The following TMEM200A variants were observed in gnomAD, a reference collection of about 807,000 sequenced individuals.
TMEM200A encodes two transmembrane C.
A neutral mutation model predicts 24.3 loss-of-function variants in TMEM200A; 12 were observed. The ratio of observed to expected loss-of-function variants is 0.49; its 90% confidence interval spans 0.32 to 0.80. The LOEUF is 0.80. TMEM200A is among the 30% of genes least tolerant of loss of function. The pLI, the probability that TMEM200A is intolerant of heterozygous loss-of-function variation, is 0.04. For synonymous variants in TMEM200A, 224 were observed against 224.4 expected (o/e 1.00, Z 0.02); for missense variants, 545 against 614.4 (o/e 0.89, Z 1.19).
chr6:130,431,453 G>A (rs1475558529), intron 2 of TMEM200A, among the ~76,000 whole-genome samples: 6 of 152,178 alleles, frequency 3.9e-5, no homozygotes, highest in Non-Finnish European at 7.3e-5. Flanking sequence ...CTTTACACCA[G>A]TTTCAAGTCA....
At chr6:130,431,936 C>T (rs1365074447) in intron 2 of TMEM200A, among the ~76,000 whole-genome samples, 4 of 152,114 alleles carry the variant, frequency 2.6e-5, no homozygotes, top group Non-Finnish European at 4.4e-5. Context: ...TATCATTTTG[C>T]AAATTTTCTA....
intron 2 of TMEM200A, among the ~76,000 whole-genome samples, chr6:130,386,859 G>A (rs755597875): frequency 4.6e-5 from 7 of 151,978 alleles, no homozygotes; most frequent in Admixed American, 1.3e-4. Context: ...CTTTTTCTTC[G>A]CCAGCATCAT....
chr6:130,427,594 G>T (rs1054961562), intron 2 of TMEM200A, among the ~76,000 whole-genome samples: 1 of 152,078 alleles, frequency 6.6e-6, no homozygotes, highest in Non-Finnish European at 1.5e-5. Context: ...AAAGGGAATG[G>T]ACATTTCGAT....
chr6:130,376,671 T>C (rs912868491), intron 1 of TMEM200A, among the ~76,000 whole-genome samples: 1 of 151,164 alleles, frequency 6.6e-6, no homozygotes, highest in Non-Finnish European at 1.5e-5. Flanking sequence ...ACTCTAAGTA[T>C]TAACAGTAAT....
intron 2 of TMEM200A, among the ~76,000 whole-genome samples, chr6:130,402,923 A>G (rs1326645622): frequency 1.3e-5 from 2 of 152,098 alleles, no homozygotes; most frequent in African/African-American, 4.8e-5. Context: ...ACATGTATGC[A>G]AGAGTCCATC....
intron 2 of TMEM200A, among the ~76,000 whole-genome samples, chr6:130,395,916 C>A (rs1778941947): frequency 6.6e-6 from 1 of 152,218 alleles, no homozygotes; most frequent in African/African-American, 2.4e-5. Flanking sequence ...TCCAGTTGGT[C>A]ATAGTGCCTT....
intron 2 of TMEM200A, among the ~76,000 whole-genome samples, chr6:130,415,888 T>C (rs1042921813): frequency 1.3e-5 from 2 of 152,244 alleles, no homozygotes; most frequent in Non-Finnish European, 2.9e-5. Context: ...AATAATTTGG[T>C]AACAATGATA....
At chr6:130,386,677 T>C (rs1778718749) in intron 2 of TMEM200A, among the ~76,000 whole-genome samples, 1 of 152,172 alleles carries the variant, frequency 6.6e-6, no homozygotes, top group South Asian at 2.1e-4. Flanking sequence ...TCTAGGTGAT[T>C]AGCATTAAGA....
At chr6:130,379,097 T>A (rs1778536258) in intron 1 of TMEM200A, among the ~76,000 whole-genome samples, 1 of 152,176 alleles carries the variant, frequency 6.6e-6, no homozygotes, top group African/African-American at 2.4e-5. Flanking sequence ...CGTGGCCTAA[T>A]CACTTCTCAG....
intron 2 of TMEM200A, among the ~76,000 whole-genome samples, chr6:130,413,513 T>TC (rs1355174720): frequency 3.3e-5 from 5 of 151,742 alleles, no homozygotes; most frequent in East Asian, 1.9e-4. Context: ...GGCACAGCCA[T>TC]CCCCCCCACT....
chr6:130,405,615 T>C (rs1165473487), intron 2 of TMEM200A, among the ~76,000 whole-genome samples: 7 of 152,226 alleles, frequency 4.6e-5, no homozygotes, highest in Non-Finnish European at 1.0e-4. Flanking sequence ...CTCACTTTCC[T>C]CTGGGAACTG....
rs925304702 is a variant in TMEM200A, at chr6:130,398,498, T to G, written c.-17+13262T>G. Among the ~76,000 whole-genome samples, 7 of 151,930 alleles carry G rather than the reference T, an allele frequency of 4.6e-5. No individual in the cohort carries two copies. The East Asian group carries it at 1.3e-3, about 29-fold the overall frequency. On this transcript the variant is annotated intron_variant, in intron 2 of 2. Transcript: ENST00000296978. The stretch of plus-strand genomic sequence containing the variant: ...CTTTGGGTATACACTCAGTAGAATA[T>G]ACTCAGTATACTCAGATTGCTGGGT...
chr6:130,391,142 G>C (rs1778822830), intron 2 of TMEM200A, among the ~76,000 whole-genome samples: 1 of 151,806 alleles, frequency 6.6e-6, no homozygotes, highest in Admixed American at 6.5e-5. Flanking sequence ...GCCCCTAGAG[G>C]GTAGTGTGAT....
At chr6:130,377,101 A>G (rs1273464437) in intron 1 of TMEM200A, among the ~76,000 whole-genome samples, 2 of 152,220 alleles carry the variant, frequency 1.3e-5, no homozygotes, top group Non-Finnish European at 2.9e-5. Flanking sequence ...GAGCATAACA[A>G]GCTTTTCTCA....
chr6:130,391,565 C>T (rs1778832357), intron 2 of TMEM200A, among the ~76,000 whole-genome samples: 1 of 152,110 alleles, frequency 6.6e-6, no homozygotes, highest in Non-Finnish European at 1.5e-5. Context: ...AACAAATAAC[C>T]GGAATATCCC....
chr6:130,375,138 C>T (rs1453527283), intron 1 of TMEM200A, among the ~76,000 whole-genome samples: 2 of 152,138 alleles, frequency 1.3e-5, no homozygotes, highest in Non-Finnish European at 2.9e-5. Flanking sequence ...ACTCTATTCT[C>T]CTTTATGGAT....
At chr6:130,413,657 C>T (rs1206677603) in intron 2 of TMEM200A, among the ~76,000 whole-genome samples, 1 of 150,438 alleles carries the variant, frequency 6.6e-6, no homozygotes, top group Non-Finnish European at 1.5e-5. Flanking sequence ...CTACTTCTTG[C>T]TTCCATTCTT....
At chr6:130,398,149 G>A (rs747030526) in intron 2 of TMEM200A, among the ~76,000 whole-genome samples, 3 of 151,976 alleles carry the variant, frequency 2.0e-5, no homozygotes, top group Admixed American at 6.6e-5. Context: ...AGTAGTCCCC[G>A]GTGCCTGTTG....
At chr6:130,428,732 A>AAATT (rs1434849532) in intron 2 of TMEM200A, among the ~76,000 whole-genome samples, 3 of 152,186 alleles carry the variant, frequency 2.0e-5, no homozygotes, top group Non-Finnish European at 2.9e-5. Flanking sequence ...GTAGGTTTTA[A>AAATT]AATTAGGAAA....
Sources: gnomAD v4.1 joint callset for allele counts (sites outside exome capture counted in the v4.1 genomes callset) on GRCh38, gnomAD v4.1.1 for gene constraint, MANE v1.5 for transcripts, NCBI Gene and HGNC (gene_info 2026-07-23, HGNC 2026-07-21) for gene names.